GNB1: variants seen among roughly 807,000 people sequenced by gnomAD.
GNB1 encodes guanine nucleotide-binding protein G(I)/G(S)/G(T) subunit beta-1.
In GNB1, 2 loss-of-function variants were observed where a neutral mutation model predicts 42.9. The ratio of observed to expected loss-of-function variants is 0.05; its 90% CI spans 0.02 to 0.15. GNB1 has a LOEUF of 0.15. Among genes scored for constraint, GNB1 ranks in the 10% least tolerant of loss-of-function variants. GNB1 has a pLI of 1.00. For synonymous variants in GNB1, 183 were observed against 174.7 expected, an observed-to-expected ratio of 1.05 and a Z score of -0.38; for missense variants, 193 against 462.2, an observed-to-expected ratio of 0.42 and a Z score of 5.34.
intron 1 of GNB1, among the ~76,000 whole-genome samples, chr1:1,885,183 C>T (rs891219252): frequency 2.6e-5 from 4 of 151,394 alleles, no homozygotes; most frequent in South Asian, 2.1e-4. Flanking sequence ...GAGGCGGAGG[C>T]GGGCGGATCA....
chr1:1,839,655 T>C (rs1211152454), intron 1 of GNB1: 1 of 151,820 alleles, frequency 6.6e-6, no homozygotes, highest in Non-Finnish European at 1.5e-5. Flanking sequence ...GAGACCAGCA[T>C]GGTCAACATG....
intron 1 of GNB1, among the ~76,000 whole-genome samples, chr1:1,879,489 G>A (rs1038717287): frequency 1.3e-5 from 2 of 152,082 alleles, no homozygotes; most frequent in South Asian, 2.1e-4. Context: ...GGCAGATCAC[G>A]AGATCAGGCG....
At chr1:1,860,550 C>T (rs547577142) in intron 1 of GNB1, among the ~76,000 whole-genome samples, 55 of 149,594 alleles carry the variant, frequency 3.7e-4, no homozygotes, top group African/African-American at 1.0e-3. Context: ...GGCAGGAGAA[C>T]GGTGTCAACC....
chr1:1,853,273 G>A (rs556485720), intron 1 of GNB1, among the ~76,000 whole-genome samples: 1 of 152,202 alleles, frequency 6.6e-6, no homozygotes, highest in East Asian at 1.9e-4. Flanking sequence ...CGACTCCTCC[G>A]CTCAGAAGTC....
chr1:1,845,936 C>T (rs868199774), intron 1 of GNB1, among the ~76,000 whole-genome samples: 1 of 151,176 alleles, frequency 6.6e-6, no homozygotes, highest in Non-Finnish European at 1.5e-5. Context: ...CACACAAAGC[C>T]CAAATCTTGG....
At chr1:1,840,321 G>C (rs1210242051) in intron 1 of GNB1, among the ~76,000 whole-genome samples, 3 of 151,788 alleles carry the variant, frequency 2.0e-5, no homozygotes, top group Non-Finnish European at 4.4e-5. Flanking sequence ...AAGGTAAAGA[G>C]TTCGAGACCA....
chr1:1,887,648 GAC>G (rs1371862794), intron 1 of GNB1, among the ~76,000 whole-genome samples: 1 of 152,166 alleles, frequency 6.6e-6, no homozygotes, highest in Non-Finnish European at 1.5e-5. Context: ...ACTCTTTTGA[GAC>G]ACAGTCTCAC....
At chr1:1,885,708 C>T (rs1011568159) in intron 1 of GNB1, among the ~76,000 whole-genome samples, 5 of 150,860 alleles carry the variant, frequency 3.3e-5, no homozygotes, top group African/African-American at 1.2e-4. Flanking sequence ...AGGCGCCCGC[C>T]ACCACACCCA....
chr1:1,795,059 C>T (rs984942818), intron 7 of GNB1, among the ~76,000 whole-genome samples: 7 of 152,176 alleles, frequency 4.6e-5, no homozygotes, highest in African/African-American at 1.2e-4. Context: ...ATATTAACTA[C>T]GTGCCTACGA....
chr1:1,875,020 C>A (rs558608103), intron 1 of GNB1, among the ~76,000 whole-genome samples: 1 of 152,232 alleles, frequency 6.6e-6, no homozygotes, highest in African/African-American at 2.4e-5. Context: ...GTGTGCAGTT[C>A]ATGACGGGGT....
intron 1 of GNB1, among the ~76,000 whole-genome samples, chr1:1,865,702 G>A (rs757130194): frequency 4.5e-4 from 69 of 152,188 alleles, no homozygotes; most frequent in Non-Finnish European, 9.0e-4. Context: ...GGAGACTACA[G>A]TACCTAAAAA....
intron 1 of GNB1, among the ~76,000 whole-genome samples, chr1:1,846,620 C>G (rs1647683534): frequency 6.6e-6 from 1 of 152,124 alleles, no homozygotes. Context: ...TGGGTGACAG[C>G]CTTGAACAGC....
intron 1 of GNB1, among the ~76,000 whole-genome samples, chr1:1,851,912 G>A (rs575461072): frequency 5.3e-5 from 8 of 151,052 alleles, no homozygotes; most frequent in Admixed American, 3.3e-4. Context: ...GCATGGTAGC[G>A]CATGCTTGTA....
chr1:1,789,557 C>A lies in GNB1; in HGVS notation c.700-288G>T, dbSNP rs1294887556. On this transcript the variant is annotated intron_variant, in intron 9 of 11. Coordinates refer to ENST00000378609, the MANE Select transcript of GNB1 (RefSeq NM_002074.5). ...AAAATACAAAATTAGCTGGGCGTGG[C>A]GGCGTGCGCCTGTAATCCCAGCTAC... Among the ~76,000 whole-genome samples, 5 of 152,038 alleles carry A rather than the reference C, an allele frequency of 3.3e-5. No individual in the cohort carries two copies. In the South Asian group the frequency reaches 1.0e-3, roughly 31 times the overall value.
At chr1:1,838,161 C>A (rs1032243373) in intron 2 of GNB1, among the ~76,000 whole-genome samples, 5 of 152,054 alleles carry the variant, frequency 3.3e-5, no homozygotes, top group African/African-American at 1.2e-4. Flanking sequence ...TGAGATTGCA[C>A]CACTGCACTT....
chr1:1,793,060 A>G (rs1413757809), intron 8 of GNB1, among the ~76,000 whole-genome samples, 185 bp downstream of exon 8: 1 of 138,002 alleles, frequency 7.2e-6, no homozygotes, highest in African/African-American at 2.7e-5. Context: ...ACAAAACTCC[A>G]TCTCAAAAAA....
At chr1:1,835,365 G>A (rs1277490047) in intron 2 of GNB1, among the ~76,000 whole-genome samples, 1 of 152,156 alleles carries the variant, frequency 6.6e-6, no homozygotes, top group Non-Finnish European at 1.5e-5. Context: ...GTCTGAAAGT[G>A]GGGACAGTAA....
In GNB1 at chr1:1,890,874, C is replaced by G. The variant is rs949183651; in HGVS notation, c.-150G>C. On this transcript the variant is annotated 5_prime_UTR_variant, in exon 1 of 12. Coordinates refer to ENST00000378609, the MANE Select transcript of GNB1 (RefSeq NM_002074.5). ...CCACACCGCCGCCTCGGCCGCCGCT[C>G]GGCAGGTCGTCGCGCTCGGGCCGCG... 6.8e-6 allele frequency: 1 copy of G among 147,088 alleles called. No individual in the cohort carries two copies. The highest frequency in any genetic ancestry group is 1.5e-5 in the Non-Finnish European group (1 of 66,016). 9.1% of individuals were successfully genotyped at this position (147,088 alleles called of 1,614,324 possible). A position where few individuals can be genotyped will look rare whatever the true frequency, so the allele number is the denominator to read the frequency against.
chr1:1,829,201 C>A (rs768576557), intron 2 of GNB1, among the ~76,000 whole-genome samples: 6 of 152,150 alleles, frequency 3.9e-5, no homozygotes, highest in Non-Finnish European at 7.4e-5. Flanking sequence ...GAATTACAGG[C>A]GTATGCTACC....
Sources: gnomAD v4.1 joint callset for allele counts (sites outside exome capture counted in the v4.1 genomes callset) on GRCh38, gnomAD v4.1.1 for gene constraint, MANE v1.5 for transcripts, NCBI Gene and HGNC (gene_info 2026-07-23, HGNC 2026-07-21) for gene names.